Variants in KIF6 observed in about 807,000 individuals in gnomAD.
KIF6 encodes the protein kinesin family member 6.
In KIF6, 106 loss-of-function variants were observed where a neutral mutation model predicts 112.7. The observed-to-expected ratio is 0.94, with a 90% CI of 0.80 to 1.11. The LOEUF is 1.11. Ranked by LOEUF, KIF6 falls within the 50% of genes least tolerant of loss-of-function variation. The pLI is 0.00. For synonymous variants in KIF6, 339 were observed against 339.9 expected (o/e 1.00, Z 0.03); for missense variants, 929 against 964.0 (o/e 0.96, Z 0.48).
intron 6 of KIF6, among the ~76,000 whole-genome samples, chr6:39,601,803 G>A (rs1352837957): frequency 7.9e-5 from 12 of 151,556 alleles, no homozygotes; most frequent in Admixed American, 7.9e-4. Flanking sequence ...ACAATCTATT[G>A]GATCTTGGTC....
intron 3 of KIF6, among the ~76,000 whole-genome samples, chr6:39,714,093 T>C (rs1260672685): frequency 6.6e-6 from 1 of 152,234 alleles, no homozygotes; most frequent in Non-Finnish European, 1.5e-5. Flanking sequence ...CTTGAGTGTC[T>C]AGTCCCTAGG....
At chr6:39,640,624 T>A (rs1784852290) in intron 3 of KIF6, among the ~76,000 whole-genome samples, 1 of 152,114 alleles carries the variant, frequency 6.6e-6, no homozygotes, top group Admixed American at 6.6e-5. Context: ...CACCCCTCAC[T>A]GTTCATATTA....
chr6:39,525,330 G>C (rs529098201), intron 13 of KIF6, among the ~76,000 whole-genome samples: 1 of 152,240 alleles, frequency 6.6e-6, no homozygotes, highest in Middle Eastern at 3.4e-3. Flanking sequence ...CTAGGTTTAC[G>C]GGCAAGAGCT....
chr6:39,623,346 G>C (rs1783926595), intron 5 of KIF6, among the ~76,000 whole-genome samples: 1 of 151,908 alleles, frequency 6.6e-6, no homozygotes, highest in African/African-American at 2.4e-5. Context: ...ATTTTGTTTG[G>C]AATTTCATTG....
rs1766606708 is a variant in KIF6, at chr6:39,378,201, C to T, written c.1861+7421G>A. Reference sequence around the variant, plus strand: ...CCCATCCCGCACACAAACACACAAACCACACACACATATAACATGTACAAC... The same window carrying T: ...CCCATCCCGCACACAAACACACAAATCACACACACATATAACATGTACAAC... On this transcript the variant is annotated intron_variant, in intron 16 of 22. Transcript: ENST00000287152. This position sits in a 1 kb window ranked among gnomAD's most constrained non-coding sequence, Gnocchi z 5.0. 6.6e-6 allele frequency among the ~76,000 whole-genome samples: 1 copy of T among 151,674 alleles called. No individual in the cohort carries two copies. The highest frequency in any genetic ancestry group is 2.4e-5 in the African/African-American group (1 of 41,280).
Position 39,544,596 on chromosome 6 carries a change from C to T in KIF6, c.1385G>A (p.Arg462Lys). The T allele has an allele frequency of 6.2e-7, 1 of 1,610,770 alleles. No individual in the cohort carries two copies. The highest frequency in any genetic ancestry group is 1.1e-5 in the South Asian group (1 of 90,904). The change falls in exon 12 of 23, where the codon AGA becomes AAA. Residue 462 changes from arginine to lysine, a missense_variant. Arg to Lys is a conservative substitution (Grantham distance 26). Coordinates refer to ENST00000287152, the MANE Select transcript of KIF6 (RefSeq NM_145027.6). ...CTGTTTCAGAATATCTCGTAGCTTT[C>T]TATATTCTTCTTCTTTTAATGGTTC... is the stretch of plus-strand genomic sequence containing the variant. ...CQEPLKEEEYRKLRDILKQRD... is the reference protein window; with the variant it reads ...CQEPLKEEEYKKLRDILKQRD...
At position 39,725,232 on chromosome 6, in the gene KIF6, C is replaced by T; in HGVS notation, c.66+13G>A. ...CCCCGCCGCGCCGGCGCCCCGGAGGCTCCAGCCCGTACCCCTTGTTGGTGC... is the reference window on the plus strand; with the variant it reads ...CCCCGCCGCGCCGGCGCCCCGGAGGTTCCAGCCCGTACCCCTTGTTGGTGC... On this transcript the variant is annotated intron_variant, in intron 1 of 22. Coordinates refer to ENST00000287152, the MANE Select transcript of KIF6 (RefSeq NM_145027.6). 3.1e-6 allele frequency: 5 copies of T among 1,606,366 alleles called. No homozygotes were observed. Among genetic ancestry groups the T allele is most frequent in the Non-Finnish European group, 3.4e-6 (4 of 1,176,756 alleles).
At chr6:39,713,766 T>G (rs1789684340) in intron 3 of KIF6, among the ~76,000 whole-genome samples, 1 of 152,192 alleles carries the variant, frequency 6.6e-6, no homozygotes, top group East Asian at 1.9e-4. Context: ...TTAAGCCTAC[T>G]TGATTGTAAG....
Position 39,342,284 on chromosome 6 carries a change from AGTTACT to A in KIF6, c.2428+1419_2428+1424del, listed in dbSNP as rs1302219898. On this transcript the variant is annotated intron_variant, in intron 22 of 22. Coordinates refer to ENST00000287152, the MANE Select transcript of KIF6 (RefSeq NM_145027.6). The surrounding 1 kb of genome is among the most constrained non-coding windows in gnomAD (Gnocchi z 4.7). ...CTACCCAGCTAAAAGCAGTCTTCCC[AGTTACT>A]GTCTACAACATTACATAGTTTAGCT... Among the ~76,000 whole-genome samples, 1 of 152,234 alleles carries A rather than the reference AGTTACT, an allele frequency of 6.6e-6. No homozygotes were observed. The highest frequency in any genetic ancestry group is 2.4e-5 in the African/African-American group (1 of 41,468).
intron 13 of KIF6, among the ~76,000 whole-genome samples, chr6:39,478,017 T>G (rs764994253): frequency 1.3e-5 from 2 of 152,206 alleles, no homozygotes; most frequent in Non-Finnish European, 2.9e-5. Context: ...GTTTTTTGGA[T>G]TTTATTACAT....
At chr6:39,438,181 C>G in intron 13 of KIF6, among the ~76,000 whole-genome samples, 1 of 152,116 alleles carries the variant, frequency 6.6e-6, no homozygotes, top group Non-Finnish European at 1.5e-5. Flanking sequence ...ACCATGTTGA[C>G]CAGGCTGGTC....
At chr6:39,385,599 C>T in intron 16 of KIF6, 23 bp downstream of exon 16, 1 of 1,598,690 alleles carries the variant, frequency 6.3e-7, no homozygotes, top group Non-Finnish European at 8.6e-7. Context: ...CATCCTCTTC[C>T]TGCAGATTCT....
intron 13 of KIF6, among the ~76,000 whole-genome samples, chr6:39,461,127 G>C (rs1773447430): frequency 6.6e-6 from 1 of 152,134 alleles, no homozygotes; most frequent in African/African-American, 2.4e-5. Context: ...TTAGCCTTAA[G>C]TTAGGATTTG....
intron 6 of KIF6, among the ~76,000 whole-genome samples, chr6:39,611,109 C>G (rs759425806): frequency 3.9e-5 from 6 of 152,218 alleles, no homozygotes; most frequent in South Asian, 2.1e-4. Flanking sequence ...AGTTCCAGAC[C>G]AGCCTGGCTA....
chr6:39,499,757 G>A (rs573886748), intron 13 of KIF6, among the ~76,000 whole-genome samples: 4 of 152,236 alleles, frequency 2.6e-5, no homozygotes, highest in East Asian at 1.9e-4. Flanking sequence ...AAATCCCCAC[G>A]TCTGTCCTCT....
At chr6:39,614,054 G>C (rs1783364317) in intron 5 of KIF6, among the ~76,000 whole-genome samples, 2 of 152,216 alleles carry the variant, frequency 1.3e-5, no homozygotes, top group South Asian at 4.2e-4. Context: ...TTTCCTCCCA[G>C]GTGAATCCTA....
At position 39,335,429 on chromosome 6, in the gene KIF6, C is replaced by G. The variant is rs1762878886; in HGVS notation, c.*1103G>C. 1.3e-5 allele frequency: 2 copies of G among 152,144 alleles called. No individual in the cohort carries two copies. Among genetic ancestry groups the G allele is most frequent in the Admixed American group, 6.6e-5 (1 of 15,256 alleles). The allele number at this position is 152,144 out of a possible 1,614,324, so 9.4% of individuals were successfully genotyped here. A position where few individuals can be genotyped will look rare whatever the true frequency, so the allele number is the denominator to read the frequency against. On this transcript the variant is annotated 3_prime_UTR_variant, in exon 23 of 23. Transcript: ENST00000287152. ...TCCTGCATGATCCTGTTACCCAGTC[C>G]TAAAAAACGAAAAAGAAAATCAAGC... is the stretch of plus-strand genomic sequence containing the variant.
chr6:39,384,926 G>T (rs532833035), intron 16 of KIF6, among the ~76,000 whole-genome samples: 1 of 152,324 alleles, frequency 6.6e-6, no homozygotes, highest in East Asian at 1.9e-4. Context: ...TATCAAAAAA[G>T]GGTGTTTTCT....
chr6:39,689,710 T>C (rs1178186659), intron 3 of KIF6, among the ~76,000 whole-genome samples: 1 of 152,024 alleles, frequency 6.6e-6, no homozygotes, highest in African/African-American at 2.4e-5. Flanking sequence ...ACTCAAGGGA[T>C]CCTCCCCACT....
Sources: gnomAD v4.1 joint callset for allele counts (sites outside exome capture counted in the v4.1 genomes callset) on GRCh38, gnomAD v4.1.1 for gene constraint, Gnocchi (gnomAD v3.1) non-coding constraint, MANE v1.5 for transcripts, NCBI Gene and HGNC (gene_info 2026-07-23, HGNC 2026-07-21) for gene names.